Variants in HADH observed in about 807,000 individuals in gnomAD.
HADH encodes hydroxyacyl-CoA dehydrogenase.
A neutral mutation model predicts 32.2 loss-of-function variants in HADH; 24 were observed. The ratio of observed to expected loss-of-function variants is 0.75; its 90% confidence interval spans 0.54 to 1.05. The LOEUF is 1.05. Among genes scored for constraint, HADH ranks in the 50% least tolerant of loss-of-function variants. HADH has a pLI of 0.00. For missense variants in HADH, 350 were observed against 397.1 expected (o/e 0.88, Z 1.01); for synonymous variants, 139 against 152.5 (o/e 0.91, Z 0.65).
chr4:107,993,341 G>T (rs1734867867), intron 1 of HADH, among the ~76,000 whole-genome samples: 1 of 152,146 alleles, frequency 6.6e-6, no homozygotes, highest in South Asian at 2.1e-4. Flanking sequence ...CCTCTGAAAG[G>T]AGGGAGAACA....
intron 4 of HADH, 128 bp downstream of exon 4, chr4:108,019,794 C>G: frequency 9.7e-7 from 1 of 1,027,890 alleles, no homozygotes; most frequent in Non-Finnish European, 1.5e-6. Flanking sequence ...GAAGGTTGTC[C>G]CTGAGCCTCA....
At chr4:108,023,371 T>C (rs1735956060) in intron 4 of HADH, 103 bp from the exon 5 acceptor site, 3 of 749,682 alleles carry the variant, frequency 4.0e-6, no homozygotes, top group Non-Finnish European at 7.4e-6. Context: ...CTCAAACTAT[T>C]TTTGTTGCCT....
In HADH at chr4:108,009,810, A is replaced by T; in HGVS notation, c.184A>T (p.Ile62Phe). ...AGTGTTGGTAGACCAGACAGAGGAC[A>T]TCCTGGCAAAATCCAAAAAGGGAAT... ...TVVLVDQTED[I>F]LAKSKKGIEE... Residue 62 changes from isoleucine to phenylalanine, a missense_variant, in exon 2 of 8, where the codon ATC (isoleucine) becomes TTC (phenylalanine). Physicochemically the swap from Ile to Phe is conservative, Grantham distance 21. Coordinates refer to ENST00000309522, the MANE Select transcript of HADH (RefSeq NM_005327.7). The T allele has an allele frequency of 2.5e-6, 4 of 1,611,966 alleles. No individual in the cohort carries two copies. The highest frequency in any genetic ancestry group is 3.4e-6 in the Non-Finnish European group (4 of 1,178,014).
At chr4:108,025,351 C>T (rs1003923104) in intron 5 of HADH, 2 of 152,250 alleles carry the variant, frequency 1.3e-5, no homozygotes, top group South Asian at 2.1e-4. Flanking sequence ...GGTGCCGGCA[C>T]TTATTAGCTG....
chr4:108,003,345 CCTT>C (rs1279201286), intron 1 of HADH, among the ~76,000 whole-genome samples: 1 of 152,092 alleles, frequency 6.6e-6, no homozygotes, highest in East Asian at 1.9e-4. Context: ...TTTATAAAAA[CCTT>C]TAATCCCATT....
At chr4:108,009,058 G>C (rs910380137) in intron 1 of HADH, among the ~76,000 whole-genome samples, 3 of 152,174 alleles carry the variant, frequency 2.0e-5, no homozygotes, top group African/African-American at 7.2e-5. Context: ...GTGAAGGCAG[G>C]GAATTGCCCA....
intron 1 of HADH, among the ~76,000 whole-genome samples, chr4:108,008,060 T>C (rs1735346064): frequency 6.6e-6 from 1 of 152,224 alleles, no homozygotes; most frequent in African/African-American, 2.4e-5. Context: ...CACAATAAAT[T>C]GTGACCTGCA....
At chr4:108,008,770 A>G (rs1241044487) in intron 1 of HADH, among the ~76,000 whole-genome samples, 1 of 152,164 alleles carries the variant, frequency 6.6e-6, no homozygotes, top group East Asian at 1.9e-4. Context: ...GTCCTCTTGC[A>G]TCATTTATGA....
intron 2 of HADH, among the ~76,000 whole-genome samples, chr4:108,010,928 C>T (rs774673973): frequency 1.3e-5 from 2 of 151,340 alleles, no homozygotes; most frequent in Non-Finnish European, 2.9e-5. Context: ...CTCAGCTCAC[C>T]GCAACCTCCA....
intron 1 of HADH, among the ~76,000 whole-genome samples, chr4:108,000,307 T>C (rs1406885297): frequency 1.3e-5 from 2 of 152,228 alleles, no homozygotes; most frequent in African/African-American, 2.4e-5. Flanking sequence ...CTATTACATA[T>C]CAGTTTTTTA....
intron 6 of HADH, chr4:108,029,133 A>G (rs1736167469): frequency 2.7e-6 from 1 of 371,992 alleles, no homozygotes. Flanking sequence ...CCTACTGCAC[A>G]CTACAGTCAC....
chr4:108,016,035 T>C (rs1029608180), intron 3 of HADH, among the ~76,000 whole-genome samples: 1 of 152,138 alleles, frequency 6.6e-6, no homozygotes, highest in Non-Finnish European at 1.5e-5. Context: ...TGTTTTGAGC[T>C]TCATCTGGGT....
chr4:108,027,856 A>G (rs1736118275), intron 6 of HADH, 96 bp downstream of exon 6: 2 of 783,618 alleles, frequency 2.6e-6, no homozygotes, highest in Admixed American at 1.8e-5. Flanking sequence ...GGCCGTGCAC[A>G]ATGGAGGAAG....
chr4:108,012,070 A>T (rs982607189), intron 2 of HADH, among the ~76,000 whole-genome samples: 106 of 151,032 alleles, frequency 7.0e-4, no homozygotes, highest in African/African-American at 2.2e-3. Context: ...TAAAAAAAAA[A>T]TTTTTTTTTA....
At chr4:108,016,449 C>T (rs1735697261) in intron 3 of HADH, among the ~76,000 whole-genome samples, 1 of 152,196 alleles carries the variant, frequency 6.6e-6, no homozygotes, top group South Asian at 2.1e-4. Context: ...GTGCATTTCA[C>T]ACTGGCATCT....
chr4:108,029,266 T>G (rs1736173789), intron 6 of HADH: 1 of 195,816 alleles, frequency 5.1e-6, no homozygotes, highest in African/African-American at 2.3e-5. Context: ...CCTTGAAGCT[T>G]CAAGCATCTG....
rs955407172 is a variant in HADH at position 108,005,045 on chromosome 4, TTTTC to T, written c.133-4702_133-4699del. On this transcript the variant is annotated intron_variant, in intron 1 of 7. Coordinates refer to ENST00000309522, the MANE Select transcript of HADH (RefSeq NM_005327.7). ...GTAACTCACCATATATACCTTCTTT[TTTTC>T]TTTCTTTCTTTATTTTCTGTATTGG... The T allele has an allele frequency of 6.3e-4, 386 of 613,204 alleles. 2 individuals are homozygous for T. The highest frequency in any genetic ancestry group is 4.2e-3 in the African/African-American group (226 of 54,442). 38.0% of individuals were successfully genotyped at this position (613,204 alleles called of 1,614,324 possible). A position where few individuals can be genotyped will look rare whatever the true frequency, so the allele number is the denominator to read the frequency against.
chr4:108,034,230 G>A lies in HADH; in HGVS notation c.827-9G>A, dbSNP rs1363052334. ...CTTCATCCTGAGTTCTCTTCCCTCCGCTCAATAGGGTGGCATGAAATGGAT... is the reference window on the plus strand; with the variant it reads ...CTTCATCCTGAGTTCTCTTCCCTCCACTCAATAGGGTGGCATGAAATGGAT... On this transcript the variant is annotated splice_polypyrimidine_tract_variant and intron_variant, in intron 7 of 7. Coordinates refer to ENST00000309522, the MANE Select transcript of HADH (RefSeq NM_005327.7). 61 of 1,547,576 alleles carry A rather than the reference G, an allele frequency of 3.9e-5. No individual in the cohort carries two copies. The highest frequency in any genetic ancestry group is 5.0e-5 in the Non-Finnish European group (56 of 1,119,304).
At position 108,034,375 on chromosome 4, in the gene HADH, T is replaced by TCTGAG; in HGVS notation, c.*19_*23dup. 1 of 1,445,192 alleles carries TCTGAG rather than the reference T, an allele frequency of 6.9e-7. No homozygotes were observed. The highest frequency in any genetic ancestry group is 1.1e-5 in the South Asian group (1 of 87,708). 89.5% of individuals were successfully genotyped at this position (1,445,192 alleles called of 1,614,324 possible). Reference sequence around the variant, plus strand: ...ACAAGTGATGTGCAGCTTCTCCGGCTCTGAGAAGAACACCTGAGAGCGCTT... The same window carrying TCTGAG: ...ACAAGTGATGTGCAGCTTCTCCGGCTCTGAGCTGAGAAGAACACCTGAGAGCGCTT... On this transcript the variant is annotated 3_prime_UTR_variant, in exon 8 of 8. Coordinates refer to ENST00000309522, the MANE Select transcript of HADH (RefSeq NM_005327.7).
Sources: gnomAD v4.1 joint callset for allele counts (sites outside exome capture counted in the v4.1 genomes callset) on GRCh38, gnomAD v4.1.1 for gene constraint, MANE v1.5 for transcripts, NCBI Gene and HGNC (gene_info 2026-07-23, HGNC 2026-07-21) for gene names.